Variants in DACH1 observed in about 807,000 individuals in gnomAD.
The protein encoded by DACH1 is dachshund homolog 1.
In DACH1, 12 loss-of-function variants were observed where a neutral mutation model predicts 54.2. That is an observed-to-expected ratio of 0.22 (90% CI 0.14 to 0.36). The LOEUF is 0.36. Among genes scored for constraint, DACH1 ranks in the 10% least tolerant of loss-of-function variants. DACH1 has a pLI of 1.00. For missense variants in DACH1, 805 were observed against 929.8 expected, an observed-to-expected ratio of 0.87 and a Z score of 1.75; for synonymous variants, 386 against 366.2, an observed-to-expected ratio of 1.05 and a Z score of -0.62.
intron 10 of DACH1, among the ~76,000 whole-genome samples, chr13:71,444,779 C>T (rs536064478): frequency 6.6e-6 from 1 of 152,088 alleles, no homozygotes. Context: ...AAAGTGGTAC[C>T]TAAGCTGGTG....
chr13:71,742,985 C>T (rs1464889748), intron 1 of DACH1, among the ~76,000 whole-genome samples: 3 of 152,140 alleles, frequency 2.0e-5, no homozygotes, highest in South Asian at 4.1e-4. Flanking sequence ...GGTTAAAACA[C>T]TGACTTCTTG....
chr13:71,527,810 A>AT (rs1258114064), intron 6 of DACH1, among the ~76,000 whole-genome samples: 1 of 152,076 alleles, frequency 6.6e-6, no homozygotes, highest in Non-Finnish European at 1.5e-5. Flanking sequence ...GCTTTTACTT[A>AT]TTTTTCTGGA....
intron 2 of DACH1, among the ~76,000 whole-genome samples, chr13:71,653,545 GT>G (rs981022385): frequency 1.8e-4 from 27 of 152,244 alleles, no homozygotes; most frequent in African/African-American, 6.5e-4. Context: ...GACACCTGTG[GT>G]TATCGCACCT....
intron 2 of DACH1, chr13:71,675,117 G>C (rs1413324938): frequency 6.3e-7 from 1 of 1,580,644 alleles, no homozygotes; most frequent in African/African-American, 1.3e-5. Flanking sequence ...AAGCACCCAG[G>C]AAGTAACTGG....
chr13:71,814,424 T>G (rs9564848), intron 1 of DACH1, among the ~76,000 whole-genome samples: 2 of 152,338 alleles, frequency 1.3e-5, no homozygotes, highest in East Asian at 3.9e-4. Context: ...AACATCGGTA[T>G]AAAGAGATAA....
At chr13:71,453,822 A>T (rs1323772084) in intron 10 of DACH1, among the ~76,000 whole-genome samples, 1 of 152,172 alleles carries the variant, frequency 6.6e-6, no homozygotes, top group African/African-American at 2.4e-5. Context: ...AGCTCTCAAA[A>T]CTTTTCAGTA....
chr13:71,861,095 G>A (rs1255315992), intron 1 of DACH1, among the ~76,000 whole-genome samples: 1 of 151,730 alleles, frequency 6.6e-6, no homozygotes, highest in Non-Finnish European at 1.5e-5. Context: ...ATTTGTCCCA[G>A]TAGTTGACAT....
intron 10 of DACH1, among the ~76,000 whole-genome samples, chr13:71,465,888 C>T (rs1876522926): frequency 6.6e-6 from 1 of 151,992 alleles, no homozygotes; most frequent in African/African-American, 2.4e-5. Context: ...TCTGATACTC[C>T]CCTCAGCCCC....
intron 1 of DACH1, among the ~76,000 whole-genome samples, chr13:71,781,600 G>A (rs1236770343): frequency 2.0e-5 from 3 of 151,850 alleles, no homozygotes; most frequent in African/African-American, 7.3e-5. Context: ...GGATGGTCTC[G>A]ATCTCCTGAC....
intron 3 of DACH1, among the ~76,000 whole-genome samples, chr13:71,613,124 T>C (rs1875460213): frequency 6.6e-6 from 1 of 152,198 alleles, no homozygotes; most frequent in Non-Finnish European, 1.5e-5. Flanking sequence ...TGATTTTAAT[T>C]TTAGCATTCG....
At chr13:71,527,048 G>T (rs1882018931) in intron 6 of DACH1, among the ~76,000 whole-genome samples, 1 of 151,712 alleles carries the variant, frequency 6.6e-6, no homozygotes, top group Non-Finnish European at 1.5e-5. Context: ...AACAGTAAAT[G>T]ATTATCACAT....
intron 1 of DACH1, among the ~76,000 whole-genome samples, chr13:71,806,276 A>G (rs1358073517): frequency 1.3e-5 from 2 of 152,176 alleles, no homozygotes; most frequent in Admixed American, 6.6e-5. Context: ...GTGTTTAGCT[A>G]TACAAATCAA....
At chr13:71,771,333 A>T (rs1335183864) in intron 1 of DACH1, among the ~76,000 whole-genome samples, 10 of 150,526 alleles carry the variant, frequency 6.6e-5, no homozygotes, top group Admixed American at 6.6e-4. Flanking sequence ...AAATAAATAA[A>T]TAAATAAATA....
intron 2 of DACH1, among the ~76,000 whole-genome samples, chr13:71,637,750 C>A (rs548342392): frequency 1.8e-4 from 27 of 152,068 alleles, no homozygotes; most frequent in Non-Finnish European, 3.8e-4. Flanking sequence ...ATTATACAAT[C>A]CTGATTACTC....
At chr13:71,477,867 A>G (rs1017260544) in intron 8 of DACH1, among the ~76,000 whole-genome samples, 5 of 152,078 alleles carry the variant, frequency 3.3e-5, no homozygotes, top group African/African-American at 1.2e-4. Flanking sequence ...ATTGATAGTT[A>G]TTGCCTTGAA....
chr13:71,614,354 G>A (rs1247775521), intron 3 of DACH1, among the ~76,000 whole-genome samples: 2 of 152,106 alleles, frequency 1.3e-5, no homozygotes, highest in African/African-American at 4.8e-5. Context: ...GTAGTTTCAA[G>A]AGAATGGATG....
intron 2 of DACH1, among the ~76,000 whole-genome samples, chr13:71,648,095 G>C (rs1009567327): frequency 1.3e-5 from 2 of 152,174 alleles, no homozygotes; most frequent in Non-Finnish European, 2.9e-5. Flanking sequence ...CTTGTCTCTA[G>C]CTGGAGAGAT....
intron 6 of DACH1, among the ~76,000 whole-genome samples, chr13:71,494,521 T>G (rs1411618490): frequency 6.6e-6 from 1 of 152,086 alleles, no homozygotes; most frequent in African/African-American, 2.4e-5. Flanking sequence ...GCAATGACGT[T>G]TGGTAGGTTA....
rs991008295 is a variant in DACH1, at chr13:71,500,626, C to T, written c.1571-11478G>A. On this transcript the variant is annotated intron_variant, in intron 6 of 10. Coordinates refer to ENST00000613252, the MANE Select transcript of DACH1 (RefSeq NM_080759.6). ...TGAAACAAGCCCAATAACTGATTGACCCAAAGTTTTTCAAACCCAAGTCTG... is the reference window on the plus strand; with the variant it reads ...TGAAACAAGCCCAATAACTGATTGATCCAAAGTTTTTCAAACCCAAGTCTG... Among the ~76,000 whole-genome samples the T allele has an allele frequency of 2.0e-5, 3 of 152,116 alleles. No individual in the cohort carries two copies. The South Asian group carries it at 6.2e-4, about 32-fold the overall frequency.
Sources: allele counts gnomAD v4.1 joint callset (sites outside exome capture counted in the v4.1 genomes callset), GRCh38; gene constraint gnomAD v4.1.1; transcripts MANE v1.5; gene names NCBI Gene and HGNC (gene_info 2026-07-23, HGNC 2026-07-21).